The following TJP2 variants were observed in gnomAD, a reference collection of about 807,000 sequenced individuals.
TJP2 encodes the protein Friedreich ataxia region gene X104 (tight junction protein ZO-2).
Under a neutral mutation model 133.1 loss-of-function variants are expected in TJP2, and 91 were observed. The ratio of observed to expected loss-of-function variants is 0.68; its 90% CI spans 0.58 to 0.81. The LOEUF (loss-of-function observed/expected upper bound fraction) is 0.81, where lower values mean the gene tolerates loss of function less well. TJP2 is among the 40% of genes least tolerant of loss of function. TJP2 has a pLI of 0.00. For synonymous variants in TJP2, 592 were observed against 583.4 expected (o/e 1.01, Z -0.21); for missense variants, 1,541 against 1,565.6 (o/e 0.98, Z 0.26).
chr9:69,248,588 T>C, intron 19 of TJP2: 2 of 1,176,638 alleles, frequency 1.7e-6, no homozygotes, highest in South Asian at 4.3e-5. Context: ...TCTGTACTCT[T>C]AGATGTCCTT....
At chr9:69,162,070 A>G (rs1325871482) in intron 2 of TJP2, among the ~76,000 whole-genome samples, 1 of 148,690 alleles carries the variant, frequency 6.7e-6, no homozygotes, top group East Asian at 1.9e-4. Flanking sequence ...ATAACAGCAT[A>G]TAATTATACA....
upstream of TJP2, among the ~76,000 whole-genome samples, chr9:69,171,337 C>T (rs1824669066): frequency 6.6e-6 from 1 of 152,206 alleles, no homozygotes; most frequent in African/African-American, 2.4e-5. Flanking sequence ...TGCATTCCCA[C>T]AAAAATGCAT....
intron 1 of TJP2, among the ~76,000 whole-genome samples, chr9:69,129,211 A>G (rs1822382986): frequency 6.6e-6 from 1 of 152,168 alleles, no homozygotes; most frequent in African/African-American, 2.4e-5. Context: ...AAACTCTTTC[A>G]CCAAAATATT....
chr9:69,237,749 G>T, intron 14 of TJP2, 129 bp from the exon 15 acceptor site: 1 of 723,286 alleles, frequency 1.4e-6, no homozygotes, highest in South Asian at 1.5e-5. Context: ...ACAGAGCCAA[G>T]CTGAATTGGG....
At chr9:69,158,139 C>T (rs1823867380) in intron 2 of TJP2, among the ~76,000 whole-genome samples, 1 of 151,550 alleles carries the variant, frequency 6.6e-6, no homozygotes, top group Admixed American at 6.6e-5. Context: ...ATGGTGAAAC[C>T]CCATCTCTAC....
At chr9:69,189,071 G>A (rs1040813632) in intron 1 of TJP2, among the ~76,000 whole-genome samples, 1 of 152,156 alleles carries the variant, frequency 6.6e-6, no homozygotes. Context: ...ACTTTAATGT[G>A]GAGTAGACTA....
intron 4 of TJP2, 161 bp downstream of exon 4, chr9:69,218,520 A>C (rs1828562129): frequency 1.5e-6 from 1 of 684,492 alleles, no homozygotes; most frequent in Non-Finnish European, 2.7e-6. Flanking sequence ...GATATGTGTA[A>C]GTTATCTTCC....
chr9:69,203,607 A>ATTTGTTTTTTTTTT (rs1827167385), intron 1 of TJP2, among the ~76,000 whole-genome samples: 1 of 67,860 alleles, frequency 1.5e-5, no homozygotes, highest in African/African-American at 6.4e-5. Context: ...CCCAGCCTGG[A>ATTTGTTTTTTTTTT]TTTTTTTTTT....
chr9:69,220,857 G>A (rs1442325774), intron 4 of TJP2, 30 bp from the exon 5 acceptor site: 3 of 1,605,754 alleles, frequency 1.9e-6, no homozygotes, highest in East Asian at 2.2e-5. Context: ...TGATTGTCCT[G>A]CGTCCACACT....
At position 69,221,151 on chromosome 9, in the gene TJP2, C is replaced by A. The variant is rs781732191; in HGVS notation, c.607C>A (p.Arg203=). The change falls in exon 5 of 23, where the codon CGG becomes AGG. Residue 203 remains arginine, a synonymous_variant. Transcript: ENST00000377245. ...CCGGAGCCGTGGCCGGAGCCTGGAG[C>A]GGGGCCTGGACCAAGACCATGCGCG... ...RDRSRGRSLE[R]GLDQDHARTR... 1.9e-6 allele frequency: 3 copies of A among 1,594,340 alleles called. No individual in the cohort carries two copies. The highest frequency in any genetic ancestry group is 2.6e-6 in the Non-Finnish European group (3 of 1,170,578).
At chr9:69,145,655 A>G in intron 1 of TJP2, 1 of 1,115,138 alleles carries the variant, frequency 9.0e-7, no homozygotes, top group African/African-American at 1.6e-5. Context: ...CAGTTGCTTC[A>G]GGTGAACAGT....
intron 1 of TJP2, among the ~76,000 whole-genome samples, chr9:69,176,106 C>T (rs59220238): frequency 7.6e-4 from 115 of 152,302 alleles, no homozygotes; most frequent in African/African-American, 2.6e-3. Flanking sequence ...GATGCACACT[C>T]TGCAATACAG....
intron 2 of TJP2, among the ~76,000 whole-genome samples, chr9:69,157,471 T>TA (rs1823829210): frequency 1.8e-5 from 1 of 54,626 alleles, no homozygotes; most frequent in Non-Finnish European, 4.3e-5. Context: ...GCAGAGTTGG[T>TA]TTTTTTTTTT....
In TJP2 at chr9:69,221,210, G is replaced by GC; in HGVS notation, c.667dup (p.Arg223ProfsTer16). 6.2e-7 allele frequency: 1 copy of GC among 1,603,512 alleles called. No individual in the cohort carries two copies. Among genetic ancestry groups the GC allele is most frequent in the South Asian group, 1.1e-5 (1 of 89,678 alleles). ...ACCGCAGCCGTGGCCGGAGCCTGGA[G>GC]CGGGGCCTGGACCACGACTTTGGGC... On this transcript the variant is annotated frameshift_variant, in exon 5 of 23. Transcript: ENST00000377245. LOFTEE classifies it high-confidence loss of function.
upstream of TJP2, chr9:69,174,016 G>A: frequency 9.8e-7 from 1 of 1,023,614 alleles, no homozygotes; most frequent in Non-Finnish European, 1.2e-6. Context: ...TTCTCCTGCC[G>A]CCGCCGCCGC....
intron 19 of TJP2, chr9:69,248,626 C>T: frequency 9.1e-7 from 1 of 1,102,916 alleles, no homozygotes; most frequent in African/African-American, 1.6e-5. Flanking sequence ...TGCCTTTAAC[C>T]TTTCTAATCT....
intron 17 of TJP2, among the ~76,000 whole-genome samples, chr9:69,243,336 C>T (rs1035086236): frequency 1.3e-5 from 2 of 152,180 alleles, no homozygotes; most frequent in African/African-American, 4.8e-5. Context: ...AATAAGAAAG[C>T]TCCTCTTCCT....
intron 1 of TJP2, among the ~76,000 whole-genome samples, chr9:69,195,389 T>C (rs1184828991): frequency 6.6e-6 from 1 of 151,966 alleles, no homozygotes; most frequent in African/African-American, 2.4e-5. Context: ...ACTAGGAACA[T>C]AGAGGTCTTA....
intron 1 of TJP2, among the ~76,000 whole-genome samples, 178 bp downstream of exon 1, chr9:69,174,610 A>C (rs1824925935): frequency 6.6e-6 from 1 of 152,186 alleles, no homozygotes; most frequent in Non-Finnish European, 1.5e-5. Flanking sequence ...GTCCGGGCTG[A>C]TGACTCGTGG....
Sources: gnomAD v4.1 joint callset for allele counts (sites outside exome capture counted in the v4.1 genomes callset) on GRCh38, gnomAD v4.1.1 for gene constraint, MANE v1.5 for transcripts, NCBI Gene and HGNC (gene_info 2026-07-23, HGNC 2026-07-21) for gene names.